The following MAP3K5 variants were observed in gnomAD, a reference collection of about 807,000 sequenced individuals.
MAP3K5 encodes the protein ASK-1.
Under a neutral mutation model 158.7 loss-of-function variants are expected in MAP3K5, and 56 were observed. The observed-to-expected ratio is 0.35, with a 90% CI of 0.28 to 0.44. MAP3K5 has a LOEUF of 0.44. MAP3K5 is among the 20% of genes least tolerant of loss of function. The pLI is 1.00. For synonymous variants in MAP3K5, 579 were observed against 601.7 expected (o/e 0.96, Z 0.55); for missense variants, 1,294 against 1,674.8 (o/e 0.77, Z 3.97).
At chr6:136,688,077 T>C (rs1251102357) in intron 7 of MAP3K5, among the ~76,000 whole-genome samples, 3 of 152,136 alleles carry the variant, frequency 2.0e-5, no homozygotes, top group African/African-American at 4.8e-5. Context: ...CACCATGGAA[T>C]AGTATGCAGC....
chr6:136,655,940 T>G (rs1167823104), intron 10 of MAP3K5, among the ~76,000 whole-genome samples: 2 of 152,084 alleles, frequency 1.3e-5, no homozygotes, highest in African/African-American at 4.8e-5. Context: ...TTCACCACAA[T>G]ACGGGAGATA....
intron 17 of MAP3K5, among the ~76,000 whole-genome samples, chr6:136,612,813 G>A (rs1457865252): frequency 6.6e-6 from 1 of 152,110 alleles, no homozygotes; most frequent in Non-Finnish European, 1.5e-5. Context: ...TCAGGACCAG[G>A]GGCCATCTCC....
chr6:136,635,580 G>T (rs556223957), intron 14 of MAP3K5, among the ~76,000 whole-genome samples: 3 of 151,732 alleles, frequency 2.0e-5, no homozygotes, highest in African/African-American at 7.3e-5. Context: ...ACTTAACTAC[G>T]GGCAGAGTTA....
At chr6:136,602,088 A>C in intron 19 of MAP3K5, 109 bp from the exon 20 acceptor site, 1 of 795,522 alleles carries the variant, frequency 1.3e-6, no homozygotes, top group Admixed American at 2.5e-5. Context: ...CCCTTATCAT[A>C]CAACACAAAC....
intron 14 of MAP3K5, among the ~76,000 whole-genome samples, chr6:136,623,220 A>G (rs568563782): frequency 6.6e-6 from 1 of 152,308 alleles, no homozygotes; most frequent in Admixed American, 6.5e-5. Flanking sequence ...AACTTCATAG[A>G]ATTGCTTCTC....
intron 6 of MAP3K5, among the ~76,000 whole-genome samples, chr6:136,695,039 G>C (rs1780543195): frequency 6.6e-6 from 1 of 152,152 alleles, no homozygotes; most frequent in Non-Finnish European, 1.5e-5. Flanking sequence ...CTAGAGTTGG[G>C]GGATTTGGGA....
chr6:136,584,963 C>T (rs1775052281), intron 23 of MAP3K5, among the ~76,000 whole-genome samples: 1 of 152,154 alleles, frequency 6.6e-6, no homozygotes, highest in Non-Finnish European at 1.5e-5. Flanking sequence ...AGGGGCTGAT[C>T]TCAAACTTCA....
At chr6:136,611,107 C>CAAAAAAAAAA (rs59508317) in intron 18 of MAP3K5, among the ~76,000 whole-genome samples, 175 bp downstream of exon 18, 55 of 24,442 alleles carry the variant, frequency 2.3e-3, no homozygotes, top group East Asian at 0.012. Flanking sequence ...GACCCTGTCT[C>CAAAAAAAAAA]AAAAAAAAAA....
intron 1 of MAP3K5, among the ~76,000 whole-genome samples, chr6:136,789,089 G>A (rs1784960499): frequency 6.6e-6 from 1 of 152,176 alleles, no homozygotes; most frequent in Non-Finnish European, 1.5e-5. Flanking sequence ...CTTGAGGCCA[G>A]GTTTGAGACC....
chr6:136,719,099 G>A (rs896929223), intron 2 of MAP3K5, among the ~76,000 whole-genome samples: 4 of 152,080 alleles, frequency 2.6e-5, no homozygotes, highest in South Asian at 2.1e-4. Flanking sequence ...TCACTTGAAC[G>A]CAGGAGGTCA....
rs370567976 is a variant in MAP3K5, at chr6:136,777,574, T to C, written c.448+14136A>G. On this transcript the variant is annotated intron_variant, in intron 1 of 29. Coordinates refer to ENST00000359015, the MANE Select transcript of MAP3K5 (RefSeq NM_005923.4). ...AACTAACGCACATCAACTGTATGTA[T>C]GTGACTCAAAAACAATCAGAAATGT... is the stretch of plus-strand genomic sequence containing the variant. 2.0e-5 allele frequency among the ~76,000 whole-genome samples: 3 copies of C among 152,332 alleles called. No individual in the cohort carries two copies. The East Asian group carries it at 5.8e-4, about 29-fold the overall frequency.
At chr6:136,700,869 T>C (rs1043827034) in intron 3 of MAP3K5, among the ~76,000 whole-genome samples, 2 of 152,208 alleles carry the variant, frequency 1.3e-5, no homozygotes, top group Non-Finnish European at 2.9e-5. Context: ...ACCCGACTAC[T>C]GCCGTTATGG....
At position 136,694,172 on chromosome 6, in the gene MAP3K5, C is replaced by A. The variant is rs145409110; in HGVS notation, c.1221G>T (p.Thr407=). ...YKDMFLDSNF[T]DTESRDHGAS... ...CTCCATGGTCTCTGCTTTCAGTGTC[C>A]GTGAAATTAGAGTCCAAAAACATAT... Residue 407 remains threonine, a synonymous_variant, in exon 7 of 30, where the codon ACG becomes ACT. Coordinates refer to ENST00000359015, the MANE Select transcript of MAP3K5 (RefSeq NM_005923.4). 4.3e-6 allele frequency: 7 copies of A among 1,613,164 alleles called. No individual in the cohort carries two copies. In the Admixed American group the frequency reaches 1.2e-4, roughly 27 times the overall value.
At position 136,659,254 on chromosome 6, in the gene MAP3K5, T is replaced by C; in HGVS notation, c.1491A>G (p.Ala497=). ...LANDHMRVIQ[A]SEKLFKLKTP... Reference sequence around the variant, plus strand: ...TCTTCAGTTTAAAAAGCTTTTCAGATGCTTGAATGACTCTCATGTGGTCAT... The same window carrying C: ...TCTTCAGTTTAAAAAGCTTTTCAGACGCTTGAATGACTCTCATGTGGTCAT... The change falls in exon 9 of 30, where the codon GCA becomes GCG. Residue 497 remains alanine, a synonymous_variant. Transcript: ENST00000359015. 1 of 1,614,168 alleles carries C rather than the reference T, an allele frequency of 6.2e-7. No individual in the cohort carries two copies. Among genetic ancestry groups the C allele is most frequent in the Non-Finnish European group, 8.5e-7 (1 of 1,180,010 alleles).
At chr6:136,642,092 A>AAAT (rs1778003845) in intron 12 of MAP3K5, among the ~76,000 whole-genome samples, 1 of 146,978 alleles carries the variant, frequency 6.8e-6, no homozygotes, top group Non-Finnish European at 1.5e-5. Context: ...AAATAAAATA[A>AAAT]AATTAGTGGC....
intron 1 of MAP3K5, among the ~76,000 whole-genome samples, chr6:136,752,345 C>G (rs75013382): frequency 0.032 from 4,828 of 152,288 alleles, 61 homozygotes; most frequent in Middle Eastern, 0.054. Flanking sequence ...GAGCCCAGCT[C>G]TTCCTGAGGA....
intron 17 of MAP3K5, among the ~76,000 whole-genome samples, chr6:136,612,179 T>C (rs1583272718): frequency 6.6e-6 from 1 of 152,236 alleles, no homozygotes; most frequent in African/African-American, 2.4e-5. Flanking sequence ...AGAAGCTGAT[T>C]TGAATAATTA....
intron 3 of MAP3K5, among the ~76,000 whole-genome samples, chr6:136,699,130 C>G (rs939971518): frequency 2.1e-4 from 32 of 152,272 alleles, no homozygotes; most frequent in Admixed American, 1.1e-3. Flanking sequence ...ATCCACCCCC[C>G]GGGAGGCTGC....
intron 21 of MAP3K5, 139 bp from the exon 22 acceptor site, chr6:136,592,753 C>T (rs762208887): frequency 9.1e-5 from 73 of 801,800 alleles, no homozygotes; most frequent in Non-Finnish European, 9.6e-5. Context: ...TGTAAGGGAA[C>T]GGTCATGTGT....
Sources: allele counts gnomAD v4.1 joint callset (sites outside exome capture counted in the v4.1 genomes callset), GRCh38; gene constraint gnomAD v4.1.1; transcripts MANE v1.5; gene names NCBI Gene and HGNC (gene_info 2026-07-23, HGNC 2026-07-21).